PLEKHA4: variants seen among roughly 807,000 people sequenced by gnomAD.
PLEKHA4 encodes pleckstrin homology domain-containing family A member 4.
Under a neutral mutation model 94.7 loss-of-function variants are expected in PLEKHA4, and 73 were observed. The observed-to-expected ratio is 0.77, with a 90% confidence interval of 0.64 to 0.94. The LOEUF is 0.94. Among genes scored for constraint, PLEKHA4 ranks in the 40% least tolerant of loss-of-function variants. The pLI, the probability that PLEKHA4 is intolerant of heterozygous loss-of-function variation, is 0.00. For missense variants in PLEKHA4, 1,049 were observed against 1,054.1 expected (o/e 1.00, Z 0.07); for synonymous variants, 449 against 437.1 (o/e 1.03, Z -0.34).
At chr19:48,847,307 G>A (rs1599879705) in intron 14 of PLEKHA4, among the ~76,000 whole-genome samples, 4 of 152,054 alleles carry the variant, frequency 2.6e-5, no homozygotes, top group African/African-American at 4.8e-5. Context: ...ATGATGGCAC[G>A]AGCCTGCGGT....
rs1214419044 is a variant in PLEKHA4, at chr19:48,859,117, G to A, written c.715C>T (p.Pro239Ser). Residue 239 changes from proline to serine, a missense_variant, in exon 8 of 20, where the codon CCT becomes TCT. By Grantham distance (74) the Pro-to-Ser change is moderately conservative. Transcript: ENST00000263265. ...SPDLFTPLSRPPSPLSLPRPR... is the reference protein window; with the variant it reads ...SPDLFTPLSRSPSPLSLPRPR... ...CGGGGGAGGCTCAGAGGCGAGGGAG[G>A]GCGAGAGAGGGGGGTGAACAGGCTG... The A allele has an allele frequency of 6.6e-7, 1 of 1,514,398 alleles. No homozygotes were observed. Among genetic ancestry groups the A allele is most frequent in the South Asian group, 1.2e-5 (1 of 81,458 alleles). The allele number at this position is 1,514,398 out of a possible 1,614,324, so 93.8% of individuals were successfully genotyped here. A position where few individuals can be genotyped will look rare whatever the true frequency, so the allele number is the denominator to read the frequency against.
Position 48,860,339 on chromosome 19 carries a change from C to A in PLEKHA4, c.476+11G>T. The A allele has an allele frequency of 6.2e-7, 1 of 1,608,158 alleles. No individual in the cohort carries two copies. The highest frequency in any genetic ancestry group is 8.5e-7 in the Non-Finnish European group (1 of 1,175,452). ...TGGAGGGTCAGGAGCATGGCTTGGA[C>A]CTCTACTCACTAGTCGTCCCCCTCC... is the stretch of plus-strand genomic sequence containing the variant. On this transcript the variant is annotated intron_variant, in intron 6 of 19. Coordinates refer to ENST00000263265, the MANE Select transcript of PLEKHA4 (RefSeq NM_020904.3).
At chr19:48,847,791 G>C (rs1362572768) in intron 14 of PLEKHA4, 109 bp downstream of exon 14, 5 of 1,302,036 alleles carry the variant, frequency 3.8e-6, no homozygotes, top group Non-Finnish European at 5.1e-6. Flanking sequence ...ACTTGTACCA[G>C]GTGGGTTAGC....
chr19:48,853,676 G>T lies in PLEKHA4; in HGVS notation c.1326+6C>A. 1 of 1,551,444 alleles carries T rather than the reference G, an allele frequency of 6.4e-7. No individual in the cohort carries two copies. The highest frequency in any genetic ancestry group is 8.7e-7 in the Non-Finnish European group (1 of 1,152,234). ...TAGGAGGGCAGGCCCCTTCCCAGGT[G>T]CTCACCTGAGTCAAGTGACAGAGGG... On this transcript the variant is annotated splice_donor_region_variant and intron_variant, in intron 12 of 19. Coordinates refer to ENST00000263265, the MANE Select transcript of PLEKHA4 (RefSeq NM_020904.3).
At chr19:48,843,242 G>A (rs1007508276) in intron 16 of PLEKHA4, among the ~76,000 whole-genome samples, 4 of 151,586 alleles carry the variant, frequency 2.6e-5, no homozygotes, top group Admixed American at 6.6e-5. Flanking sequence ...GCAATGGCAC[G>A]ATCTTGGCTC....
chr19:48,859,593 G>A lies in PLEKHA4; in HGVS notation c.568C>T (p.Arg190Cys), dbSNP rs2036558399. Residue 190 changes from arginine to cysteine, a missense_variant, in exon 7 of 20, where the codon CGC (arginine) becomes TGC (cysteine). Transcript: ENST00000263265. Reference protein sequence around the residue: ...PPEVSRGEEGRISESPEVTRL... With the variant: ...PPEVSRGEEGCISESPEVTRL... ...GTCACTTCCGGTGATTCTGAGATGCGCCCCTCTTCCCCTCTGCTCACCTCC... is the reference window on the plus strand; with the variant it reads ...GTCACTTCCGGTGATTCTGAGATGCACCCCTCTTCCCCTCTGCTCACCTCC... The A allele has an allele frequency of 2.5e-6, 4 of 1,613,530 alleles. No individual in the cohort carries two copies. Among genetic ancestry groups the A allele is most frequent in the Non-Finnish European group, 3.4e-6 (4 of 1,179,940 alleles).
intron 8 of PLEKHA4, 142 bp downstream of exon 8, chr19:48,858,718 T>G: frequency 1.1e-6 from 1 of 901,040 alleles, no homozygotes; most frequent in South Asian, 1.5e-5. Context: ...AGGTTCAAGC[T>G]CTCTCTCACC....
chr19:48,854,696 C>CTTTT, intron 9 of PLEKHA4, among the ~76,000 whole-genome samples: 2 of 81,364 alleles, frequency 2.5e-5, no homozygotes, highest in African/African-American at 6.2e-5. Flanking sequence ...CATGCCTGGC[C>CTTTT]TTTTTTTTTT....
chr19:48,837,934 C>A lies in PLEKHA4; in HGVS notation c.2077+83G>T. On this transcript the variant is annotated intron_variant, in intron 19 of 19. Transcript: ENST00000263265. The surrounding 1 kb of genome is among the most constrained non-coding windows in gnomAD (Gnocchi z 4.3). ...AAAAAATTCTCACCGGCCCCCAGAC[C>A]CCTCCTCTCCAGGACCTGGGATTCC... is the stretch of plus-strand genomic sequence containing the variant. 8.6e-7 allele frequency: 1 copy of A among 1,164,266 alleles called. No individual in the cohort carries two copies. Among genetic ancestry groups the A allele is most frequent in the South Asian group, 1.3e-5 (1 of 75,866 alleles). The allele number at this position is 1,164,266 out of a possible 1,614,324, so 72.1% of individuals were successfully genotyped here. A position where few individuals can be genotyped will look rare whatever the true frequency, so the allele number is the denominator to read the frequency against.
intron 13 of PLEKHA4, among the ~76,000 whole-genome samples, chr19:48,850,065 G>T (rs1220000314): frequency 6.6e-6 from 1 of 151,776 alleles, no homozygotes; most frequent in Non-Finnish European, 1.5e-5. Flanking sequence ...ACAAAAATTA[G>T]CCAGGCGTGG....
At chr19:48,862,889 G>A (rs16982344) in intron 3 of PLEKHA4, among the ~76,000 whole-genome samples, 1 of 152,182 alleles carries the variant, frequency 6.6e-6, no homozygotes, top group Non-Finnish European at 1.5e-5. Flanking sequence ...CTATCCGCTG[G>A]AGATTGAGAA....
intron 2 of PLEKHA4, among the ~76,000 whole-genome samples, chr19:48,866,027 A>G (rs111243579): frequency 0.025 from 3,791 of 151,982 alleles, 151 homozygotes; most frequent in African/African-American, 0.086. Context: ...GAAAAAAAAA[A>G]AAAGAAAGAA....
chr19:48,841,910 C>T (rs931327366), intron 16 of PLEKHA4, among the ~76,000 whole-genome samples: 1 of 152,168 alleles, frequency 6.6e-6, no homozygotes, highest in Non-Finnish European at 1.5e-5. Context: ...CGTGCCACTG[C>T]ACCTCACTCT....
At chr19:48,866,331 G>C (rs1010937923) in intron 2 of PLEKHA4, among the ~76,000 whole-genome samples, 7 of 151,822 alleles carry the variant, frequency 4.6e-5, no homozygotes, top group Non-Finnish European at 8.8e-5. Context: ...TTTTGAGACA[G>C]AGTCTCGCTC....
chr19:48,866,148 C>T (rs560548632), intron 2 of PLEKHA4, among the ~76,000 whole-genome samples: 24 of 151,846 alleles, frequency 1.6e-4, no homozygotes, highest in African/African-American at 5.8e-4. Context: ...GTGCAGTAGC[C>T]TAAACACTGC....
chr19:48,842,971 C>A (rs2035824158), intron 16 of PLEKHA4, among the ~76,000 whole-genome samples: 1 of 152,166 alleles, frequency 6.6e-6, no homozygotes, highest in African/African-American at 2.4e-5. Context: ...ACCTTGGCAG[C>A]CCCTGAAACC....
chr19:48,856,696 C>T lies in PLEKHA4; in HGVS notation c.1047+726G>A, dbSNP rs150898430. Among the ~76,000 whole-genome samples the T allele has an allele frequency of 5.8e-4, 88 of 151,202 alleles. 1 individual carries two copies. The highest frequency in any genetic ancestry group is 2.0e-3 in the African/African-American group (83 of 41,192). ...TCGCGCCACTGCAATCCAGCCTGGGCGACAGAGCGAGACTCTGTCTCAAGA... is the reference window on the plus strand; with the variant it reads ...TCGCGCCACTGCAATCCAGCCTGGGTGACAGAGCGAGACTCTGTCTCAAGA... On this transcript the variant is annotated intron_variant, in intron 9 of 19. Transcript: ENST00000263265.
chr19:48,857,819 T>C (rs573032467), intron 8 of PLEKHA4, among the ~76,000 whole-genome samples: 17 of 151,002 alleles, frequency 1.1e-4, no homozygotes, highest in Non-Finnish European at 2.1e-4. Flanking sequence ...CCAGAGACCT[T>C]TGTTCACTTG....
intron 3 of PLEKHA4, among the ~76,000 whole-genome samples, chr19:48,863,425 G>GTTTTT (rs1436464028): frequency 1.4e-4 from 16 of 114,612 alleles, no homozygotes; most frequent in Non-Finnish European, 2.6e-4. Context: ...GCTAATTTAG[G>GTTTTT]TTTTTTGTTT....
Sources: gnomAD v4.1 joint callset for allele counts (sites outside exome capture counted in the v4.1 genomes callset) on GRCh38, gnomAD v4.1.1 for gene constraint, Gnocchi (gnomAD v3.1) non-coding constraint, MANE v1.5 for transcripts, NCBI Gene and HGNC (gene_info 2026-07-23, HGNC 2026-07-21) for gene names.